The following GRID1 variants were observed in gnomAD, a reference collection of about 807,000 sequenced individuals.
GRID1 encodes glutamate receptor ionotropic, delta-1.
In GRID1, 28 loss-of-function variants were observed where a neutral mutation model predicts 98.0. The observed-to-expected ratio is 0.29, with a 90% confidence interval of 0.21 to 0.39. The LOEUF is 0.39. GRID1 is among the 10% of genes least tolerant of loss of function. The probability of loss-of-function intolerance (pLI) is 1.00; values close to 1 mark genes in which losing one functional copy is unlikely to be tolerated. For synonymous variants in GRID1, 553 were observed against 538.5 expected (o/e 1.03, Z -0.37); for missense variants, 1,111 against 1,340.5 (o/e 0.83, Z 2.67).
intron 4 of GRID1, among the ~76,000 whole-genome samples, chr10:86,056,911 C>G (rs567481846): frequency 2.6e-5 from 4 of 152,348 alleles, no homozygotes; most frequent in African/African-American, 9.6e-5. Flanking sequence ...TGAGATGCCA[C>G]GAAGCATCAG....
intron 12 of GRID1, among the ~76,000 whole-genome samples, chr10:85,672,930 T>C (rs1841103850): frequency 6.6e-6 from 1 of 152,244 alleles, no homozygotes; most frequent in South Asian, 2.1e-4. Context: ...ATAGTGATTC[T>C]TCTGATGGAT....
At chr10:85,755,229 C>T (rs1195563782) in intron 8 of GRID1, among the ~76,000 whole-genome samples, 1 of 152,200 alleles carries the variant, frequency 6.6e-6, no homozygotes, top group African/African-American at 2.4e-5. Flanking sequence ...CAAACCACCC[C>T]CAAACCTAAT....
At chr10:85,839,986 T>C (rs1254291108) in intron 8 of GRID1, among the ~76,000 whole-genome samples, 2 of 152,068 alleles carry the variant, frequency 1.3e-5, no homozygotes, top group African/African-American at 4.8e-5. Flanking sequence ...TTTCTAGGCA[T>C]ATAAGCTAGA....
intron 4 of GRID1, among the ~76,000 whole-genome samples, chr10:86,000,596 T>C (rs746421126): frequency 1.3e-5 from 2 of 152,108 alleles, no homozygotes; most frequent in Non-Finnish European, 2.9e-5. Flanking sequence ...TGGAATAGAA[T>C]AAAAAGTCCA....
intron 12 of GRID1, among the ~76,000 whole-genome samples, chr10:85,708,412 A>G (rs1033844065): frequency 1.3e-5 from 2 of 152,168 alleles, no homozygotes; most frequent in African/African-American, 2.4e-5. Flanking sequence ...TCAAAAAAAA[A>G]AAAAATACAA....
At chr10:86,033,331 G>C (rs564545594) in intron 4 of GRID1, among the ~76,000 whole-genome samples, 1 of 150,384 alleles carries the variant, frequency 6.6e-6, no homozygotes, top group Non-Finnish European at 1.5e-5. Flanking sequence ...CTTGCTGCCC[G>C]GCTTGGTACG....
Position 85,751,814 on chromosome 10 carries a change from T to TA in GRID1, c.1234-22201dup, listed in dbSNP as rs1842048602. Among the ~76,000 whole-genome samples, 4 of 152,278 alleles carry TA rather than the reference T, an allele frequency of 2.6e-5. No homozygotes were observed. In the South Asian group the frequency reaches 8.3e-4, roughly 32 times the overall value. On this transcript the variant is annotated intron_variant, in intron 8 of 15. Coordinates refer to ENST00000327946, the MANE Select transcript of GRID1 (RefSeq NM_017551.3). Reference sequence around the variant, plus strand: ...AAATTTATTTAAAATTTAATGCATTTAAAAAACTTTCCATAATGAGCTTGA... The same window carrying TA: ...AAATTTATTTAAAATTTAATGCATTTAAAAAAACTTTCCATAATGAGCTTGA...
chr10:85,908,803 T>C (rs562503664), intron 5 of GRID1, among the ~76,000 whole-genome samples: 54 of 152,264 alleles, frequency 3.5e-4, no homozygotes, highest in African/African-American at 1.3e-3. Flanking sequence ...GCTAAAGCTA[T>C]AGTAATCAAA....
Position 86,360,636 on chromosome 10 carries a change from CA to C in GRID1, c.235+3304del, listed in dbSNP as rs1276294508. ...CTCAAGAGAAGCTGAGATGGATTCA[CA>C]GTTGGGTCAAGGAACGGAAAGGGAA... is the stretch of plus-strand genomic sequence containing the variant. On this transcript the variant is annotated intron_variant, in intron 2 of 15. Transcript: ENST00000327946. Among the ~76,000 whole-genome samples, 12 of 152,288 alleles carry C rather than the reference CA, an allele frequency of 7.9e-5. No homozygotes were observed. In the East Asian group the frequency reaches 2.3e-3, roughly 29 times the overall value.
intron 12 of GRID1, among the ~76,000 whole-genome samples, chr10:85,686,199 G>A (rs1363070907): frequency 6.6e-6 from 1 of 152,178 alleles, no homozygotes; most frequent in Non-Finnish European, 1.5e-5. Context: ...AGAATGCCCA[G>A]AAGGAGTCTC....
intron 8 of GRID1, among the ~76,000 whole-genome samples, chr10:85,806,561 A>G (rs1590240602): frequency 1.3e-5 from 2 of 152,134 alleles, no homozygotes; most frequent in African/African-American, 4.8e-5. Context: ...AAAAAAAACA[A>G]ATTTTCATAA....
chr10:86,233,649 T>C (rs1354692308), intron 2 of GRID1, among the ~76,000 whole-genome samples: 1 of 152,058 alleles, frequency 6.6e-6, no homozygotes, highest in African/African-American at 2.4e-5. Flanking sequence ...AACTCTATGT[T>C]CCAGAGTCCC....
At chr10:86,337,175 C>T (rs868413360) in intron 2 of GRID1, among the ~76,000 whole-genome samples, 8 of 152,224 alleles carry the variant, frequency 5.3e-5, no homozygotes, top group Middle Eastern at 3.4e-3. Flanking sequence ...TCTATCTGAC[C>T]GACTCATCGA....
chr10:86,160,560 C>G (rs1273623979), intron 3 of GRID1, among the ~76,000 whole-genome samples: 1 of 152,176 alleles, frequency 6.6e-6, no homozygotes, highest in African/African-American at 2.4e-5. Flanking sequence ...AAGCCAGCAA[C>G]CTGCTGGTGG....
intron 4 of GRID1, among the ~76,000 whole-genome samples, chr10:86,109,123 A>G (rs1844438300): frequency 6.6e-6 from 1 of 152,052 alleles, no homozygotes; most frequent in Non-Finnish European, 1.5e-5. Context: ...GTGGTTATAG[A>G]TTGAGTATAT....
chr10:85,773,018 C>G (rs988784055), intron 8 of GRID1, among the ~76,000 whole-genome samples: 3 of 151,924 alleles, frequency 2.0e-5, no homozygotes, highest in Admixed American at 1.3e-4. Context: ...GAGACAAAAC[C>G]AAAAAAGACA....
intron 2 of GRID1, among the ~76,000 whole-genome samples, chr10:86,273,876 C>G (rs375261206): frequency 0.069 from 10,028 of 145,918 alleles, 934 homozygotes; most frequent in African/African-American, 0.22. Flanking sequence ...TGTTCACTCT[C>G]ATGGTAGTTT....
chr10:86,259,355 C>T (rs1846975927), intron 2 of GRID1, among the ~76,000 whole-genome samples: 1 of 152,240 alleles, frequency 6.6e-6, no homozygotes, highest in African/African-American at 2.4e-5. Flanking sequence ...TCTCCTTAAT[C>T]TGTACCTATC....
chr10:86,036,280 T>A (rs1843260207), intron 4 of GRID1, among the ~76,000 whole-genome samples: 1 of 152,142 alleles, frequency 6.6e-6, no homozygotes, highest in African/African-American at 2.4e-5. Context: ...TGTCCTGGGA[T>A]TTCTGGCCTT....
Sources: allele counts gnomAD v4.1 joint callset (sites outside exome capture counted in the v4.1 genomes callset), GRCh38; gene constraint gnomAD v4.1.1; transcripts MANE v1.5; gene names NCBI Gene and HGNC (gene_info 2026-07-23, HGNC 2026-07-21).